SUGCT: variants seen among roughly 807,000 people sequenced by gnomAD.
SUGCT encodes succinyl-CoA:glutarate-CoA transferase.
In SUGCT, 41 loss-of-function variants were observed where a neutral mutation model predicts 55.0. The ratio of observed to expected loss-of-function variants is 0.74; its 90% CI spans 0.58 to 0.97. The LOEUF (loss-of-function observed/expected upper bound fraction) is 0.97, where lower values mean the gene tolerates loss of function less well. Ranked by LOEUF, SUGCT falls within the 50% of genes least tolerant of loss-of-function variation. The probability of loss-of-function intolerance (pLI) is 0.00; values close to 1 mark genes in which losing one functional copy is unlikely to be tolerated. For missense variants in SUGCT, 568 were observed against 547.8 expected (o/e 1.04, Z -0.37); for synonymous variants, 187 against 200.4 (o/e 0.93, Z 0.56).
At chr7:40,608,247 A>AT (rs902700014) in intron 12 of SUGCT, among the ~76,000 whole-genome samples, 2 of 151,916 alleles carry the variant, frequency 1.3e-5, no homozygotes, top group Non-Finnish European at 2.9e-5. Flanking sequence ...TTCCTTTTTC[A>AT]TTTTTTTAAG....
chr7:40,624,289 T>C (rs1799413106), intron 12 of SUGCT, among the ~76,000 whole-genome samples: 1 of 152,186 alleles, frequency 6.6e-6, no homozygotes. Context: ...ATCGCCAAAC[T>C]GGAAATGGTT....
chr7:40,421,173 C>T (rs554611051), intron 9 of SUGCT, among the ~76,000 whole-genome samples: 58 of 152,258 alleles, frequency 3.8e-4, no homozygotes, highest in African/African-American at 1.3e-3. Context: ...GCTTCTTAAC[C>T]CACTAGTGAG....
rs1253390486 is a variant in SUGCT, at chr7:40,250,828, C to CTTCTTTTTTTT, written c.576+13104_576+13105insCTTTTTTTTTT. The stretch of plus-strand genomic sequence containing the variant: ...AAGATGTTGAAGTCATTTCACGCTT[C>CTTCTTTTTTTT]TTTTTTTTTTTTTTTTTTTTTTTTT... On this transcript the variant is annotated intron_variant, in intron 7 of 13. Transcript: ENST00000335693. 1.8e-3 allele frequency among the ~76,000 whole-genome samples: 215 copies of CTTCTTTTTTTT among 121,202 alleles called. 4 individuals carry two copies. Among genetic ancestry groups the CTTCTTTTTTTT allele is most frequent in the African/African-American group, 7.8e-3 (214 of 27,388 alleles). The allele number at this position is 121,202 out of a possible 152,430, so 79.5% of individuals were successfully genotyped here.
chr7:40,878,795 CT>C, the SUGCT span, among the ~76,000 whole-genome samples: 1,012 of 139,210 alleles, frequency 7.3e-3, 2 homozygotes, highest in Middle Eastern at 0.011. Flanking sequence ...CTTTCTCAAA[CT>C]TTTTTTTTTT....
intron 9 of SUGCT, among the ~76,000 whole-genome samples, chr7:40,352,929 T>G (rs1463036548): frequency 6.6e-6 from 1 of 152,174 alleles, no homozygotes; most frequent in Non-Finnish European, 1.5e-5. Flanking sequence ...TACAACTTTG[T>G]CAACATCTGT....
In SUGCT at chr7:40,550,430, A is replaced by G. The variant is rs181098213; in HGVS notation, c.1089+54044A>G. Among the ~76,000 whole-genome samples the G allele has an allele frequency of 5.3e-5, 8 of 152,284 alleles. No homozygotes were observed. The East Asian group carries it at 1.2e-3, about 22-fold the overall frequency. ...AAGTTGCGTTTGCTTTCTGACACCA[A>G]TTCTGCTCTATTGTACCTTTTCTCT... On this transcript the variant is annotated intron_variant, in intron 12 of 13. Transcript: ENST00000335693.
At chr7:40,773,925 C>T (rs564070786) in intron 13 of SUGCT, among the ~76,000 whole-genome samples, 13 of 152,278 alleles carry the variant, frequency 8.5e-5, no homozygotes, top group African/African-American at 2.9e-4. Context: ...TCCACATAGC[C>T]ATTTTAGGCT....
intron 1 of SUGCT, among the ~76,000 whole-genome samples, chr7:40,140,101 T>A: frequency 6.6e-6 from 1 of 152,000 alleles, no homozygotes; most frequent in East Asian, 1.9e-4. Context: ...ACAGGGTTTC[T>A]CCATGTTGGT....
chr7:40,148,512 C>T (rs775985181), intron 1 of SUGCT, among the ~76,000 whole-genome samples: 1 of 152,124 alleles, frequency 6.6e-6, no homozygotes, highest in Non-Finnish European at 1.5e-5. Context: ...GGTTTGCTGG[C>T]ACATGCCTGT....
At chr7:40,627,540 A>G (rs752106807) in intron 12 of SUGCT, among the ~76,000 whole-genome samples, 1 of 152,124 alleles carries the variant, frequency 6.6e-6, no homozygotes, top group Admixed American at 6.5e-5. Context: ...CTGTGCAAAC[A>G]AAGACTTGGC....
intron 13 of SUGCT, among the ~76,000 whole-genome samples, chr7:40,812,342 A>T (rs756911413): frequency 2.6e-5 from 4 of 152,112 alleles, no homozygotes; most frequent in Non-Finnish European, 4.4e-5. Context: ...CTGTGAATTC[A>T]TCTGGTCTGG....
At chr7:40,283,125 A>C (rs1381088770) in intron 8 of SUGCT, among the ~76,000 whole-genome samples, 1 of 152,216 alleles carries the variant, frequency 6.6e-6, no homozygotes, top group African/African-American at 2.4e-5. Flanking sequence ...AAATATTTGC[A>C]AAGCATATAT....
chr7:40,968,723 A>G, the SUGCT span, among the ~76,000 whole-genome samples: 2 of 152,170 alleles, frequency 1.3e-5, no homozygotes, highest in South Asian at 4.1e-4. Flanking sequence ...TCACCAAGAC[A>G]AGAGGAGTAA....
At chr7:40,377,250 C>T (rs766614685) in intron 9 of SUGCT, among the ~76,000 whole-genome samples, 2,997 of 6,668 alleles carry the variant, frequency 0.45, 1,186 homozygotes, top group South Asian at 0.83. Flanking sequence ...TTCCTTCCTT[C>T]TTTCTTTTTT....
intron 8 of SUGCT, among the ~76,000 whole-genome samples, chr7:40,314,541 C>T (rs1299752451): frequency 1.4e-5 from 2 of 147,920 alleles, no homozygotes; most frequent in African/African-American, 2.5e-5. Flanking sequence ...GAAATAACTC[C>T]TATTGCATCC....
intron 7 of SUGCT, among the ~76,000 whole-genome samples, chr7:40,251,755 A>G (rs1312852397): frequency 6.6e-6 from 1 of 151,722 alleles, no homozygotes; most frequent in Non-Finnish European, 1.5e-5. Context: ...CATAATTTAG[A>G]TTCAGTCAAC....
At chr7:40,186,276 T>C (rs964427864) in intron 3 of SUGCT, among the ~76,000 whole-genome samples, 1 of 147,766 alleles carries the variant, frequency 6.8e-6, no homozygotes, top group Non-Finnish European at 1.5e-5. Context: ...TTTCTTTTCT[T>C]TTCACAGGAT....
chr7:40,643,514 C>T (rs757816497), intron 12 of SUGCT, among the ~76,000 whole-genome samples: 2 of 152,134 alleles, frequency 1.3e-5, no homozygotes, highest in Admixed American at 6.5e-5. Context: ...ACACCTCTTA[C>T]GTTTTTGTCC....
intron 12 of SUGCT, among the ~76,000 whole-genome samples, chr7:40,534,674 C>G (rs1192069072): frequency 2.0e-5 from 3 of 152,204 alleles, no homozygotes; most frequent in Non-Finnish European, 4.4e-5. Context: ...CCACCTAGGC[C>G]TCCCAAAGTG....
Sources: allele counts gnomAD v4.1 joint callset (sites outside exome capture counted in the v4.1 genomes callset), GRCh38; gene constraint gnomAD v4.1.1; transcripts MANE v1.5; gene names NCBI Gene and HGNC (gene_info 2026-07-23, HGNC 2026-07-21).